MYL1: variants seen among roughly 807,000 people sequenced by gnomAD.
MYL1 encodes the protein myosin light chain 1/3, skeletal muscle isoform.
Under a neutral mutation model 21.8 loss-of-function variants are expected in MYL1, and 16 were observed. The ratio of observed to expected loss-of-function variants is 0.74; its 90% CI spans 0.50 to 1.12. The LOEUF (loss-of-function observed/expected upper bound fraction) is 1.12. MYL1 is among the 50% of genes most tolerant of loss of function. The pLI is 0.00. For synonymous variants in MYL1, 99 were observed against 85.2 expected (o/e 1.16, Z -0.89); for missense variants, 246 against 241.0 (o/e 1.02, Z -0.14).
At chr2:210,291,488 A>G (rs1251572625) in intron 5 of MYL1, among the ~76,000 whole-genome samples, 1 of 152,144 alleles carries the variant, frequency 6.6e-6, no homozygotes, top group African/African-American at 2.4e-5. Flanking sequence ...GTTTCCCATC[A>G]CTGTCTGCTA....
intron 3 of MYL1, among the ~76,000 whole-genome samples, chr2:210,297,438 A>G (rs1400710097): frequency 6.6e-6 from 1 of 151,030 alleles, no homozygotes; most frequent in Non-Finnish European, 1.5e-5. Flanking sequence ...TTTAAAATAC[A>G]TCTGTTGGCC....
chr2:210,307,099 G>T (rs1690350099), intron 1 of MYL1, among the ~76,000 whole-genome samples: 2 of 152,092 alleles, frequency 1.3e-5, no homozygotes, highest in Admixed American at 6.6e-5. Context: ...TCCCTTGAAA[G>T]AAACGTTTTC....
intron 1 of MYL1, 61 bp from the exon 2 acceptor site, chr2:210,302,576 A>C (rs762451272): frequency 1.3e-6 from 2 of 1,564,404 alleles, no homozygotes; most frequent in African/African-American, 2.7e-5. Flanking sequence ...GCTGATTTTT[A>C]GTTGTATCCA....
intron 1 of MYL1, among the ~76,000 whole-genome samples, chr2:210,310,106 C>T (rs1377944967): frequency 6.6e-6 from 1 of 152,028 alleles, no homozygotes; most frequent in Non-Finnish European, 1.5e-5. Flanking sequence ...GTTATATTTA[C>T]ACTGCAAATG....
At chr2:210,297,286 G>A (rs1028443291) in intron 3 of MYL1, among the ~76,000 whole-genome samples, 1 of 152,010 alleles carries the variant, frequency 6.6e-6, no homozygotes, top group African/African-American at 2.4e-5. Context: ...CTCAGCAACA[G>A]TATATAAAAG....
intron 1 of MYL1, among the ~76,000 whole-genome samples, chr2:210,311,748 T>A (rs75413448): frequency 6.6e-6 from 1 of 152,202 alleles, no homozygotes; most frequent in African/African-American, 2.4e-5. Flanking sequence ...ACAACCATAC[T>A]TATGCTGTGT....
chr2:210,299,757 A>G (rs920808059), intron 2 of MYL1, among the ~76,000 whole-genome samples: 8 of 152,166 alleles, frequency 5.3e-5, no homozygotes, highest in Non-Finnish European at 1.2e-4. Context: ...ATTTTCTGGG[A>G]AACCCAAAAG....
intron 1 of MYL1, among the ~76,000 whole-genome samples, chr2:210,309,397 A>G (rs1404004757): frequency 6.6e-6 from 1 of 152,048 alleles, no homozygotes; most frequent in Non-Finnish European, 1.5e-5. Context: ...TATAAAGTTG[A>G]TAAGATGTAG....
At chr2:210,300,555 G>A (rs550024596) in intron 2 of MYL1, among the ~76,000 whole-genome samples, 56 of 151,994 alleles carry the variant, frequency 3.7e-4, no homozygotes, top group Middle Eastern at 3.2e-3. Flanking sequence ...GAAAAAGTTC[G>A]CTAACTTCTG....
intron 5 of MYL1, 85 bp from the exon 6 acceptor site, chr2:210,291,159 C>A: frequency 1.9e-6 from 2 of 1,061,496 alleles, no homozygotes; most frequent in South Asian, 2.7e-5. Context: ...TGAGTTAGCT[C>A]AATCCTATTT....
In MYL1 at chr2:210,315,041, ATT is replaced by A. The variant is rs544557603; in HGVS notation, c.-1_1del. The A allele has an allele frequency of 3.0e-6, 4 of 1,332,664 alleles. No individual in the cohort carries two copies. Among genetic ancestry groups the A allele is most frequent in the East Asian group, 2.8e-5 (1 of 36,108 alleles). 82.6% of individuals were successfully genotyped at this position (1,332,664 alleles called of 1,614,324 possible). On this transcript the variant is annotated start_lost and start_retained_variant and 5_prime_UTR_variant, in exon 1 of 7. Transcript: ENST00000352451. ...TTTCTTCACGTCTTTCTTTGGTGCC[ATT>A]TTTTTTTTTAAAAGGGTGGGTTAAA...
intron 1 of MYL1, among the ~76,000 whole-genome samples, chr2:210,305,607 A>G (rs1690331318): frequency 6.6e-6 from 1 of 152,186 alleles, no homozygotes; most frequent in Non-Finnish European, 1.5e-5. Context: ...TTGAGCTAAT[A>G]ACTATAAATA....
chr2:210,296,057 G>C (rs1690169623), intron 3 of MYL1, among the ~76,000 whole-genome samples: 1 of 152,042 alleles, frequency 6.6e-6, no homozygotes, highest in Admixed American at 6.5e-5. Flanking sequence ...AAGATTATTT[G>C]TTATCTCATA....
chr2:210,306,720 CTTT>C (rs747993827), intron 1 of MYL1, among the ~76,000 whole-genome samples: 5 of 143,068 alleles, frequency 3.5e-5, no homozygotes, highest in Admixed American at 7.0e-5. Context: ...CTCTGGCACA[CTTT>C]TTTTTTTTTT....
At position 210,314,926 on chromosome 2, in the gene MYL1, G is replaced by A. The variant is rs376404409; in HGVS notation, c.117C>T (p.Asp39=). Residue 39 remains aspartate, a synonymous_variant, in exon 1 of 7, where the codon GAC becomes GAT. Coordinates refer to ENST00000352451, the MANE Select transcript of MYL1 (RefSeq NM_079420.3). ...APAKPKEEKI[D]LSAIKIEFSK... The stretch of plus-strand genomic sequence containing the variant: ...ATTTAGTTACCTTAATGGCAGAGAG[G>A]TCAATTTTTTCTTCTTTGGGTTTGG... 384 of 1,613,798 alleles carry A rather than the reference G, an allele frequency of 2.4e-4. 1 individual carries two copies. The highest frequency in any genetic ancestry group is 1.2e-3 in the Middle Eastern group (7 of 6,068).
rs781619593 is a variant in MYL1 at position 210,296,808 on chromosome 2, G to A, written c.304+1612C>T. On this transcript the variant is annotated intron_variant, in intron 3 of 6. Transcript: ENST00000352451. ...TCTCTTATTCCTTCCACCCTTTCCT[G>A]TCTCTAGAAAGCACTACTTTCCACT... Among the ~76,000 whole-genome samples, 3 of 151,916 alleles carry A rather than the reference G, an allele frequency of 2.0e-5. No homozygotes were observed. In the South Asian group the frequency reaches 6.2e-4, roughly 32 times the overall value.
At chr2:210,312,133 T>C (rs1183951389) in intron 1 of MYL1, among the ~76,000 whole-genome samples, 2 of 151,998 alleles carry the variant, frequency 1.3e-5, no homozygotes, top group Non-Finnish European at 2.9e-5. Flanking sequence ...TTAAATGTAG[T>C]ATATTACAAT....
chr2:210,307,986 G>T (rs1690361326), intron 1 of MYL1, among the ~76,000 whole-genome samples: 1 of 152,126 alleles, frequency 6.6e-6, no homozygotes, highest in African/African-American at 2.4e-5. Flanking sequence ...TATAATTAAA[G>T]ATAATTGGGG....
chr2:210,302,752 A>G (rs1473444403), intron 1 of MYL1: 1 of 1,565,740 alleles, frequency 6.4e-7, no homozygotes, highest in South Asian at 1.2e-5. Context: ...GTAGCAGACA[A>G]ACTCAATTCA....
Sources: gnomAD v4.1 joint callset for allele counts (sites outside exome capture counted in the v4.1 genomes callset) on GRCh38, gnomAD v4.1.1 for gene constraint, MANE v1.5 for transcripts, NCBI Gene and HGNC (gene_info 2026-07-23, HGNC 2026-07-21) for gene names.